Variants in PIK3R6 observed in about 807,000 individuals in gnomAD.
PIK3R6 encodes the protein phosphoinositide-3-kinase regulatory subunit 6.
In PIK3R6, 91 loss-of-function variants were observed where a neutral mutation model predicts 84.9. That is an observed-to-expected ratio of 1.07 (90% CI 0.90 to 1.28). The LOEUF (loss-of-function observed/expected upper bound fraction) is 1.28, where lower values mean the gene tolerates loss of function less well. Among genes scored for constraint, PIK3R6 ranks in the 50% most tolerant of loss-of-function variants. PIK3R6 has a pLI of 0.00. For synonymous variants in PIK3R6, 416 were observed against 411.4 expected, an observed-to-expected ratio of 1.01 and a Z score of -0.13; for missense variants, 996 against 985.1, an observed-to-expected ratio of 1.01 and a Z score of -0.15.
At chr17:8,813,241 T>C (rs1314978055) in intron 18 of PIK3R6, among the ~76,000 whole-genome samples, 7 of 151,368 alleles carry the variant, frequency 4.6e-5, no homozygotes, top group African/African-American at 7.3e-5. Flanking sequence ...AGTAATGAAA[T>C]TGAATTAGTA....
At position 8,844,317 on chromosome 17, in the gene PIK3R6, T is replaced by C. The variant is rs2088764923; in HGVS notation, c.14-4620A>G. Among the ~76,000 whole-genome samples the C allele has an allele frequency of 6.6e-6, 1 of 152,220 alleles. No homozygotes were observed. Among genetic ancestry groups the C allele is most frequent in the Non-Finnish European group, 1.5e-5 (1 of 68,046 alleles). ...ACCCAGACTTTATAAACCCTGAGCT[T>C]CTCACAAACTCCCACGTAGGGGGAA... On this transcript the variant is annotated intron_variant, in intron 2 of 19. Transcript: ENST00000619866. The surrounding 1 kb of genome is among the most constrained non-coding windows in gnomAD (Gnocchi z 4.5).
intron 5 of PIK3R6, 62 bp from the exon 6 acceptor site, chr17:8,836,985 G>T: frequency 2.0e-6 from 2 of 1,007,616 alleles, no homozygotes; most frequent in Non-Finnish European, 2.9e-6. Context: ...GGAGGAGGGG[G>T]AGGTGAAGGG....
intron 1 of PIK3R6, among the ~76,000 whole-genome samples, chr17:8,865,372 T>C (rs1243753366): frequency 1.3e-5 from 2 of 152,126 alleles, no homozygotes; most frequent in Non-Finnish European, 2.9e-5. Context: ...ATGTGGAGCT[T>C]CCAGGCCTCC....
chr17:8,820,417 G>GAA lies in PIK3R6; in HGVS notation c.1880-1221_1880-1220dup, dbSNP rs35027109. On this transcript the variant is annotated intron_variant, in intron 17 of 19. Transcript: ENST00000619866. ...GTAGCTACTTATTATCTCCATTTTA[G>GAA]AAAAAAAAAACAGGTAGAGAGGACA... 6.8e-3 allele frequency among the ~76,000 whole-genome samples: 1,003 copies of GAA among 147,860 alleles called. 12 individuals carry two copies. The highest frequency in any genetic ancestry group is 0.021 in the African/African-American group (843 of 40,440).
chr17:8,811,620 A>C (rs1352986556), intron 18 of PIK3R6, among the ~76,000 whole-genome samples: 1 of 147,968 alleles, frequency 6.8e-6, no homozygotes, highest in Non-Finnish European at 1.5e-5. Context: ...CCTAAATCAT[A>C]TCTCTCAAGT....
chr17:8,854,454 C>T (rs2089072271), intron 1 of PIK3R6, among the ~76,000 whole-genome samples: 1 of 152,082 alleles, frequency 6.6e-6, no homozygotes, highest in Non-Finnish European at 1.5e-5. Flanking sequence ...GCTTCGCACT[C>T]CTTATTTTAA....
At chr17:8,828,428 T>G in intron 11 of PIK3R6, 139 bp downstream of exon 11, 2 of 1,128,222 alleles carry the variant, frequency 1.8e-6, no homozygotes, top group East Asian at 2.6e-5. Flanking sequence ...GCGGGCACTG[T>G]GCGGCATCCT....
intron 1 of PIK3R6, among the ~76,000 whole-genome samples, chr17:8,858,914 A>G (rs1303756906): frequency 3.3e-5 from 5 of 151,994 alleles, no homozygotes. Flanking sequence ...TAATTTGTCT[A>G]CTCAGAGGGG....
intron 8 of PIK3R6, among the ~76,000 whole-genome samples, chr17:8,834,543 G>A (rs940284786): frequency 2.8e-5 from 4 of 141,960 alleles, no homozygotes; most frequent in Non-Finnish European, 6.1e-5. Flanking sequence ...ATGTCACTGC[G>A]TCTGGTATTT....
At position 8,832,888 on chromosome 17, in the gene PIK3R6, C is replaced by G; in HGVS notation, c.802+1G>C. Reference sequence around the variant, plus strand: ...AGGCCCCCCATCTGCCAGTCGCTTACCACCGCAGCGCCCCGCCGCGGGACC... The same window carrying G: ...AGGCCCCCCATCTGCCAGTCGCTTAGCACCGCAGCGCCCCGCCGCGGGACC... On this transcript the variant is annotated splice_donor_variant, in intron 9 of 19. Transcript: ENST00000619866. LOFTEE classifies it high-confidence loss of function. The G allele has an allele frequency of 6.2e-7, 1 of 1,612,568 alleles. No individual in the cohort carries two copies. The highest frequency in any genetic ancestry group is 1.1e-5 in the South Asian group (1 of 91,078).
chr17:8,841,843 G>A (rs1456411241), intron 2 of PIK3R6, among the ~76,000 whole-genome samples: 1 of 152,140 alleles, frequency 6.6e-6, no homozygotes, highest in Non-Finnish European at 1.5e-5. Flanking sequence ...CTGTTGCAGT[G>A]GTTTGGATAT....
rs2088011156 is a variant in PIK3R6 at position 8,828,128 on chromosome 17, G to C, written c.1376C>G (p.Pro459Arg). ...PRLSLQLYYIPVLAPEKPAAS... is the reference protein window; with the variant it reads ...PRLSLQLYYIRVLAPEKPAAS... ...TCCAGTCACCTCAGGCGCCAGCACG[G>C]GGATGTAGTAGAGCTGCAGGCTGAG... The change falls in exon 12 of 20, where the codon CCC becomes CGC. Residue 459 changes from proline (P) to arginine (R), a missense_variant. Transcript: ENST00000619866. 1.9e-6 allele frequency: 3 copies of C among 1,613,878 alleles called. No homozygotes were observed. Among genetic ancestry groups the C allele is most frequent in the Non-Finnish European group, 2.5e-6 (3 of 1,179,884 alleles).
chr17:8,835,994 G>A (rs1004228607), intron 7 of PIK3R6, among the ~76,000 whole-genome samples: 4 of 152,126 alleles, frequency 2.6e-5, no homozygotes, highest in African/African-American at 7.2e-5. Context: ...CTCAAGCTGT[G>A]CCTTTCAGGG....
chr17:8,863,574 A>T (rs1309994452), intron 1 of PIK3R6, among the ~76,000 whole-genome samples: 1 of 151,752 alleles, frequency 6.6e-6, no homozygotes, highest in Non-Finnish European at 1.5e-5. Flanking sequence ...TCGCTCTGTC[A>T]CCTAGGCTGG....
Position 8,803,153 on chromosome 17 carries a change from G to A in PIK3R6, c.*120C>T. On this transcript the variant is annotated 3_prime_UTR_variant, in exon 20 of 20. Coordinates refer to ENST00000619866, the MANE Select transcript of PIK3R6 (RefSeq NM_001010855.4). This position sits in a 1 kb window ranked among gnomAD's most constrained non-coding sequence, Gnocchi z 5.0. ...CTCCCTGTGCTCCCAGGCACTCGCT[G>A]GCTCCTGGTCAAGGCCAAAGCTGCC... 7.4e-7 allele frequency: 1 copy of A among 1,346,230 alleles called. No homozygotes were observed. The highest frequency in any genetic ancestry group is 1.4e-5 in the South Asian group (1 of 73,676). 83.4% of individuals were successfully genotyped at this position (1,346,230 alleles called of 1,614,324 possible). A position where few individuals can be genotyped will look rare whatever the true frequency, so the allele number is the denominator to read the frequency against.
rs115424838 is a variant in PIK3R6, at chr17:8,837,864, C to G, written c.197G>C (p.Ser66Thr). ...ILLRELEKAE[S>T]QDLRHVIIPL... ...AATGATGACATGCCGGAGGTCCTGG[C>G]TTTCCGCCTGGAAAACAGGAGATCA... is the stretch of plus-strand genomic sequence containing the variant. Residue 66 changes from serine to threonine, a missense_variant, in exon 5 of 20, where the codon AGC (serine) becomes ACC (threonine). Coordinates refer to ENST00000619866, the MANE Select transcript of PIK3R6 (RefSeq NM_001010855.4). 2,430 of 1,613,842 alleles carry G rather than the reference C, an allele frequency of 1.5e-3. 25 individuals carry two copies. In the African/African-American group the frequency reaches 0.029, roughly 19 times the overall value.
chr17:8,858,651 T>C lies in PIK3R6; in HGVS notation c.-91-8766A>G, dbSNP rs188905431. On this transcript the variant is annotated intron_variant, in intron 1 of 19. Transcript: ENST00000619866. ...TGAGTCTCAATGGAAGCTCATTGTA[T>C]GCACCGTGCCATAAAACGGTGGCGA... 2.0e-3 allele frequency among the ~76,000 whole-genome samples: 297 copies of C among 152,300 alleles called. 1 individual carries two copies. Among genetic ancestry groups the C allele is most frequent in the African/African-American group, 6.7e-3 (278 of 41,564 alleles).
At chr17:8,827,039 G>T in intron 13 of PIK3R6, 133 bp downstream of exon 13, 2 of 1,031,030 alleles carry the variant, frequency 1.9e-6, no homozygotes, top group Non-Finnish European at 2.8e-6. Flanking sequence ...AAGGTCAAGT[G>T]CAGCAGCAAA....
intron 16 of PIK3R6, 125 bp downstream of exon 16, chr17:8,822,462 G>A (rs906268673): frequency 3.4e-5 from 37 of 1,097,696 alleles, no homozygotes; most frequent in Admixed American, 4.8e-5. Flanking sequence ...GGAACTCTGC[G>A]GGCAGCTTCA....
Sources: gnomAD v4.1 joint callset for allele counts (sites outside exome capture counted in the v4.1 genomes callset) on GRCh38, gnomAD v4.1.1 for gene constraint, Gnocchi (gnomAD v3.1) non-coding constraint, MANE v1.5 for transcripts, NCBI Gene and HGNC (gene_info 2026-07-23, HGNC 2026-07-21) for gene names.